The following SH3RF2 variants were observed in gnomAD, a reference collection of about 807,000 sequenced individuals.
SH3RF2 encodes SH3 domain containing ring finger 2.
SH3RF2 carries 43 observed loss-of-function variants against 59.0 expected under a neutral mutation model. That is an observed-to-expected ratio of 0.73 (90% CI 0.57 to 0.94). SH3RF2 has a LOEUF of 0.94. Among genes scored for constraint, SH3RF2 ranks in the 40% least tolerant of loss-of-function variants. The pLI is 0.00. For synonymous variants in SH3RF2, 391 were observed against 391.5 expected, an observed-to-expected ratio of 1.00 and a Z score of 0.01; for missense variants, 930 against 940.1, an observed-to-expected ratio of 0.99 and a Z score of 0.14.
chr5:146,056,944 A>G (rs1353645031), intron 8 of SH3RF2, among the ~76,000 whole-genome samples: 1 of 152,234 alleles, frequency 6.6e-6, no homozygotes, highest in Non-Finnish European at 1.5e-5. Flanking sequence ...GAACTTCTAC[A>G]TAAGATTTCC....
At chr5:146,056,343 C>T in intron 8 of SH3RF2, 130 bp downstream of exon 8, 1 of 1,388,916 alleles carries the variant, frequency 7.2e-7, no homozygotes, top group Non-Finnish European at 9.7e-7. Context: ...GGGTATTATA[C>T]AATTCCCAAA....
intron 2 of SH3RF2, among the ~76,000 whole-genome samples, chr5:145,954,928 T>C (rs1243864472): frequency 6.6e-6 from 1 of 151,684 alleles, no homozygotes; most frequent in African/African-American, 2.4e-5. Flanking sequence ...GCCACACACT[T>C]TTAAATGACC....
At chr5:145,980,035 C>G (rs1759449609) in intron 2 of SH3RF2, among the ~76,000 whole-genome samples, 1 of 152,116 alleles carries the variant, frequency 6.6e-6, no homozygotes, top group Non-Finnish European at 1.5e-5. Flanking sequence ...TAATTGGGAG[C>G]TATTATCATA....
Position 145,937,835 on chromosome 5 carries a change from A to G in SH3RF2, c.-94A>G, listed in dbSNP as rs1581365711. 2 of 1,461,996 alleles carry G rather than the reference A, an allele frequency of 1.4e-6. No individual in the cohort carries two copies. Among genetic ancestry groups the G allele is most frequent in the Non-Finnish European group, 1.8e-6 (2 of 1,095,224 alleles). The allele number at this position is 1,461,996 out of a possible 1,614,324, so 90.6% of individuals were successfully genotyped here. A position where few individuals can be genotyped will look rare whatever the true frequency, so the allele number is the denominator to read the frequency against. ...CTCCTTCAAGCAGGCAAAAATTCTG[A>G]CGTTCTCAAGAGACCAGCTCTGCCC... is the stretch of plus-strand genomic sequence containing the variant. On this transcript the variant is annotated 5_prime_UTR_variant, in exon 2 of 10. Transcript: ENST00000359120.
chr5:145,991,194 C>T (rs1291074212), intron 2 of SH3RF2, among the ~76,000 whole-genome samples: 1 of 152,164 alleles, frequency 6.6e-6, no homozygotes, highest in African/African-American at 2.4e-5. Context: ...GTCAAACGAG[C>T]CTCAGCCAAT....
intron 5 of SH3RF2, among the ~76,000 whole-genome samples, chr5:146,022,113 T>A (rs1303059114): frequency 1.3e-5 from 2 of 152,242 alleles, no homozygotes; most frequent in African/African-American, 2.4e-5. Flanking sequence ...TAATGAACCC[T>A]CATGTACACA....
At chr5:145,972,687 G>T (rs1002565419) in intron 2 of SH3RF2, among the ~76,000 whole-genome samples, 1 of 152,190 alleles carries the variant, frequency 6.6e-6, no homozygotes, top group Non-Finnish European at 1.5e-5. Flanking sequence ...AGAGGTGATT[G>T]CTCCTTTATC....
exon 10 of SH3RF2, chr5:146,079,596 T>C (rs1171825627): frequency 6.6e-6 from 1 of 152,172 alleles, no homozygotes; most frequent in East Asian, 1.9e-4. Flanking sequence ...GTAAACAGGA[T>C]CCAGCATCAG....
At chr5:145,961,582 G>T (rs1309097916) in intron 2 of SH3RF2, among the ~76,000 whole-genome samples, 3 of 152,180 alleles carry the variant, frequency 2.0e-5, no homozygotes, top group Non-Finnish European at 2.9e-5. Context: ...AAAAACAGTA[G>T]TCTGGGCAGC....
Position 146,060,140 on chromosome 5 carries a change from G to C in SH3RF2, c.1830G>C (p.Lys610Asn). 6.2e-7 allele frequency: 1 copy of C among 1,614,166 alleles called. No homozygotes were observed. The highest frequency in any genetic ancestry group is 8.5e-7 in the Non-Finnish European group (1 of 1,180,038). The change falls in exon 9 of 10, where the codon AAG (lysine) becomes AAC (asparagine). Residue 610 changes from lysine (K) to asparagine (N), a missense_variant. By Grantham distance (94) the Lys-to-Asn change is moderately conservative (BLOSUM62 0). Coordinates refer to ENST00000359120, the MANE Select transcript of SH3RF2 (RefSeq NM_152550.4). ...TGGAAGACAAAGAAATCCCCATCAAGAGTGAGCCTCTGCCAAAACCGCCCG... is the reference window on the plus strand; with the variant it reads ...TGGAAGACAAAGAAATCCCCATCAACAGTGAGCCTCTGCCAAAACCGCCCG... The part of the protein sequence containing the change: ...LIMEDKEIPI[K>N]SEPLPKPPAS...
chr5:146,025,636 A>G (rs1378681933), intron 5 of SH3RF2, among the ~76,000 whole-genome samples: 3 of 152,260 alleles, frequency 2.0e-5, no homozygotes, highest in African/African-American at 7.2e-5. Context: ...AGGAAGTACA[A>G]TGAGAAATCT....
intron 2 of SH3RF2, chr5:145,998,044 C>T (rs1760240293): frequency 3.3e-6 from 2 of 606,088 alleles, no homozygotes; most frequent in Non-Finnish European, 3.0e-6. Context: ...ACATAGAAAA[C>T]TACAAGATGT....
intron 2 of SH3RF2, among the ~76,000 whole-genome samples, chr5:145,938,701 C>A (rs1256771592): frequency 1.3e-5 from 2 of 152,200 alleles, no homozygotes; most frequent in Non-Finnish European, 2.9e-5. Context: ...CTTTTGAGAT[C>A]TCTCAGAAAT....
intron 7 of SH3RF2, among the ~76,000 whole-genome samples, chr5:146,049,636 G>A (rs1476443537): frequency 6.6e-6 from 1 of 151,898 alleles, no homozygotes; most frequent in Non-Finnish European, 1.5e-5. Context: ...TGGCGTGATG[G>A]GAAAATGTGG....
intron 2 of SH3RF2, among the ~76,000 whole-genome samples, chr5:145,994,950 C>T (rs1023962905): frequency 2.4e-4 from 36 of 151,910 alleles, no homozygotes; most frequent in Admixed American, 4.6e-4. Context: ...ATCTTTTCTT[C>T]TTTATCTTCT....
intron 2 of SH3RF2, chr5:145,997,344 C>T (rs1381298712): frequency 1.7e-6 from 2 of 1,153,426 alleles, no homozygotes; most frequent in African/African-American, 1.5e-5. Context: ...TACTGCACCA[C>T]CGCTCCAGTC....
At position 146,076,891 on chromosome 5, in the gene SH3RF2, T is replaced by G. The variant is rs1448840522; in HGVS notation, c.*34-1569T>G. ...ACAAACCGCTTGTAAGATCTGACTG[T>G]TCCACACCACCCCCACAAAGAATGA... is the stretch of plus-strand genomic sequence containing the variant. On this transcript the variant is annotated intron_variant, in intron 9 of 9. Coordinates refer to the SH3RF2 transcript ENST00000511217. Among the ~76,000 whole-genome samples the G allele has an allele frequency of 3.3e-5, 5 of 152,264 alleles. No individual in the cohort carries two copies. The South Asian group carries it at 1.0e-3, about 32-fold the overall frequency.
chr5:146,069,480 A>T (rs1763182648), intron 9 of SH3RF2, among the ~76,000 whole-genome samples: 1 of 96,622 alleles, frequency 1.0e-5, no homozygotes, highest in African/African-American at 3.8e-5. Flanking sequence ...CTGAAACTGA[A>T]ATGAGATCTT....
chr5:146,031,714 C>A (rs1362370421), intron 5 of SH3RF2, among the ~76,000 whole-genome samples: 1 of 152,142 alleles, frequency 6.6e-6, no homozygotes, highest in Non-Finnish European at 1.5e-5. Context: ...GTAATCAATA[C>A]CCTTCCCCAT....
Sources: gnomAD v4.1 joint callset for allele counts (sites outside exome capture counted in the v4.1 genomes callset) on GRCh38, gnomAD v4.1.1 for gene constraint, MANE v1.5 for transcripts, NCBI Gene and HGNC (gene_info 2026-07-23, HGNC 2026-07-21) for gene names.